SIN3B: variants seen among roughly 807,000 people sequenced by gnomAD.
SIN3B encodes SIN3 transcription regulator family member B.
Under a neutral mutation model 120.2 loss-of-function variants are expected in SIN3B, and 19 were observed. That is an observed-to-expected ratio of 0.16 (90% CI 0.11 to 0.23). The LOEUF is 0.23. Among genes scored for constraint, SIN3B ranks in the 10% least tolerant of loss-of-function variants. SIN3B has a pLI of 1.00. For synonymous variants in SIN3B, 654 were observed against 653.2 expected, an observed-to-expected ratio of 1.00 and a Z score of -0.02; for missense variants, 1,073 against 1,573.0, an observed-to-expected ratio of 0.68 and a Z score of 5.38.
Position 16,878,855 on chromosome 19 carries a change from C to CA in SIN3B, c.*129dup, listed in dbSNP as rs1322230412. 4 of 859,462 alleles carry CA rather than the reference C, an allele frequency of 4.7e-6. No individual in the cohort carries two copies. The African/African-American group carries it at 6.8e-5, about 15-fold the overall frequency. 53.2% of individuals were successfully genotyped at this position (859,462 alleles called of 1,614,324 possible). A position where few individuals can be genotyped will look rare whatever the true frequency, so the allele number is the denominator to read the frequency against. On this transcript the variant is annotated 3_prime_UTR_variant, in exon 19 of 19. Coordinates refer to ENST00000248054, the MANE Select transcript of SIN3B (RefSeq NM_001297595.2). Reference sequence around the variant, plus strand: ...CCAGCCCCTCTGCTGCCGGACAGCGCACTCCAGGGCAGGACGCCGCCCCCG... The same window carrying CA: ...CCAGCCCCTCTGCTGCCGGACAGCGCAACTCCAGGGCAGGACGCCGCCCCCG...
chr19:16,869,125 C>T (rs1217829124), intron 12 of SIN3B, among the ~76,000 whole-genome samples: 2 of 152,172 alleles, frequency 1.3e-5, no homozygotes, highest in Non-Finnish European at 2.9e-5. Context: ...TGGAGCTGGG[C>T]TGAGCGACAG....
chr19:16,863,808 G>A lies in SIN3B; in HGVS notation c.1383+12G>A. 6.3e-7 allele frequency: 1 copy of A among 1,597,286 alleles called. No homozygotes were observed. The highest frequency in any genetic ancestry group is 8.6e-7 in the Non-Finnish European group (1 of 1,165,590). On this transcript the variant is annotated intron_variant, in intron 10 of 18. Transcript: ENST00000248054. ...ACGAGCGCTTCGAGGTGTGTGTGCT[G>A]CTGTGGCCGGGTCCCCCGGCATGTG...
intron 3 of SIN3B, among the ~76,000 whole-genome samples, chr19:16,833,963 G>T (rs959542257): frequency 1.3e-5 from 2 of 151,994 alleles, no homozygotes; most frequent in Non-Finnish European, 2.9e-5. Flanking sequence ...CTGACCCCGT[G>T]ATTCGCCCAC....
intron 10 of SIN3B, among the ~76,000 whole-genome samples, chr19:16,864,820 A>G (rs545216434): frequency 1.5e-4 from 22 of 149,782 alleles, no homozygotes; most frequent in African/African-American, 5.2e-4. Flanking sequence ...GCAAGAGCCC[A>G]TCTATACAAA....
At chr19:16,872,623 T>C (rs567921824) in intron 14 of SIN3B, 1 of 152,250 alleles carries the variant, frequency 6.6e-6, no homozygotes, top group South Asian at 2.1e-4. Context: ...TTTGTATTTT[T>C]AGTAGAGAGG....
chr19:16,842,143 A>G (rs1349666497), intron 4 of SIN3B, among the ~76,000 whole-genome samples, 175 bp downstream of exon 4: 4 of 152,112 alleles, frequency 2.6e-5, no homozygotes, highest in Non-Finnish European at 5.9e-5. Flanking sequence ...GCTGGAGTGC[A>G]GTGGCACGGA....
Position 16,861,986 on chromosome 19 carries a change from G to T in SIN3B, c.1059-366G>T, listed in dbSNP as rs113148607. On this transcript the variant is annotated intron_variant, in intron 8 of 18. Coordinates refer to ENST00000248054, the MANE Select transcript of SIN3B (RefSeq NM_001297595.2). ...AACACAGGCAGTGTGCAGACTGGCT[G>T]TGGCTTGCCACTCCCTGGCCTGAAG... Among the ~76,000 whole-genome samples, 1,399 of 152,310 alleles carry T rather than the reference G, an allele frequency of 9.2e-3. 18 individuals are homozygous for T. The highest frequency in any genetic ancestry group is 0.032 in the African/African-American group (1,333 of 41,556).
At chr19:16,877,509 AG>A in intron 16 of SIN3B, 35 bp from the exon 17 acceptor site, 1 of 1,473,856 alleles carries the variant, frequency 6.8e-7, no homozygotes, top group South Asian at 1.2e-5. Context: ...GCCCTGCTGT[AG>A]GGGCATCACG....
rs80348819 is a variant in SIN3B, at chr19:16,865,517, C to T, written c.1491C>T (p.Asp497=). 1.5e-3 allele frequency: 2,387 copies of T among 1,613,646 alleles called. 40 individuals are homozygous for T. In the African/African-American group the frequency reaches 0.029, roughly 19 times the overall value. Residue 497 remains aspartate (D), a synonymous_variant, in exon 11 of 19, where the codon GAC becomes GAT. Transcript: ENST00000248054. ...AAGACCAGGAGAAGTTCCGGCTGGACGACTCCCTGGGAGGCACGTCGGAGG... is the reference window on the plus strand; with the variant it reads ...AAGACCAGGAGAAGTTCCGGCTGGATGACTCCCTGGGAGGCACGTCGGAGG... ...APEDQEKFRL[D]DSLGGTSEVI... is the part of the protein sequence containing the mutation.
At chr19:16,860,885 G>A (rs573047316) in intron 8 of SIN3B, among the ~76,000 whole-genome samples, 129 of 152,078 alleles carry the variant, frequency 8.5e-4, no homozygotes, top group African/African-American at 2.8e-3. Flanking sequence ...GAGCCACTGC[G>A]CCTGGCCATA....
Position 16,854,136 on chromosome 19 carries a change from T to C in SIN3B, c.940-7T>C. On this transcript the variant is annotated splice_polypyrimidine_tract_variant and splice_region_variant and intron_variant, in intron 7 of 18. Coordinates refer to ENST00000248054, the MANE Select transcript of SIN3B (RefSeq NM_001297595.2). The stretch of plus-strand genomic sequence containing the variant: ...TTCACAGTGGTCCCTGACTGCTCTC[T>C]CTGCAGGTCCGCCGGGTGCTGAAGA... 1 of 1,608,736 alleles carries C rather than the reference T, an allele frequency of 6.2e-7. No homozygotes were observed. Among genetic ancestry groups the C allele is most frequent in the South Asian group, 1.1e-5 (1 of 90,760 alleles).
Position 16,878,927 on chromosome 19 carries a change from C to T in SIN3B, c.*200C>T, listed in dbSNP as rs765835629. On this transcript the variant is annotated 3_prime_UTR_variant, in exon 19 of 19. Coordinates refer to ENST00000248054, the MANE Select transcript of SIN3B (RefSeq NM_001297595.2). ...CCTGCTGTGTGCCAAACCTGAGCTA[C>T]CTGCACCCGAGCCCTGGGGCTCAGC... The T allele has an allele frequency of 1.0e-4, 59 of 587,008 alleles. No individual in the cohort carries two copies. Among genetic ancestry groups the T allele is most frequent in the Non-Finnish European group, 1.6e-4 (53 of 335,070 alleles). 36.4% of individuals were successfully genotyped at this position (587,008 alleles called of 1,614,324 possible). A position where few individuals can be genotyped will look rare whatever the true frequency, so the allele number is the denominator to read the frequency against.
At chr19:16,853,254 G>C (rs1971568134) in intron 7 of SIN3B, 96 bp downstream of exon 7, 1 of 1,143,504 alleles carries the variant, frequency 8.7e-7, no homozygotes, top group Non-Finnish European at 1.3e-6. Flanking sequence ...GCGGGGAGCA[G>C]GTAGGGTGGG....
At chr19:16,829,718 C>T in intron 1 of SIN3B, 73 bp from the exon 2 acceptor site, 17 of 1,421,754 alleles carry the variant, frequency 1.2e-5, no homozygotes, top group Non-Finnish European at 1.5e-5. Flanking sequence ...CATCCCCTTC[C>T]CCTCAGGGAC....
chr19:16,856,014 G>A (rs555628912), intron 8 of SIN3B, among the ~76,000 whole-genome samples: 58 of 152,288 alleles, frequency 3.8e-4, no homozygotes, highest in African/African-American at 1.2e-3. Flanking sequence ...CTGTGATCAC[G>A]CCACTGTCCT....
intron 8 of SIN3B, among the ~76,000 whole-genome samples, chr19:16,858,428 G>A (rs1971644346): frequency 6.6e-6 from 1 of 152,084 alleles, no homozygotes; most frequent in Non-Finnish European, 1.5e-5. Context: ...CCCTAGTCAC[G>A]GCCTCAGAGT....
At chr19:16,842,405 C>CTTTT (rs764926291) in intron 4 of SIN3B, among the ~76,000 whole-genome samples, 1 of 126,890 alleles carries the variant, frequency 7.9e-6, no homozygotes, top group Non-Finnish European at 1.7e-5. Flanking sequence ...GCCCAGCCAC[C>CTTTT]TTTTTTTTTT....
At chr19:16,854,078 A>G in intron 7 of SIN3B, 65 bp from the exon 8 acceptor site, 3 of 1,251,858 alleles carry the variant, frequency 2.4e-6, no homozygotes, top group South Asian at 1.3e-5. Context: ...CTGACCTACA[A>G]GTGAGCCAGG....
At position 16,876,880 on chromosome 19, in the gene SIN3B, G is replaced by A. The variant is rs577054990; in HGVS notation, c.2859+302G>A. On this transcript the variant is annotated intron_variant, in intron 16 of 18. Transcript: ENST00000248054. This position sits in a 1 kb window ranked among gnomAD's most constrained non-coding sequence, Gnocchi z 7.1. ...CCCCGACTCCCACTCAGGGCATCCC[G>A]TGGCTGTGACCTCTGCACCTCTTGT... The A allele has an allele frequency of 3.7e-4, 132 of 356,608 alleles. No homozygotes were observed. Among genetic ancestry groups the A allele is most frequent in the African/African-American group, 2.4e-3 (116 of 47,478 alleles). 22.1% of individuals were successfully genotyped at this position (356,608 alleles called of 1,614,324 possible).
Sources: allele counts gnomAD v4.1 joint callset (sites outside exome capture counted in the v4.1 genomes callset), GRCh38; gene constraint gnomAD v4.1.1; non-coding constraint Gnocchi (gnomAD v3.1); transcripts MANE v1.5; gene names NCBI Gene and HGNC (gene_info 2026-07-23, HGNC 2026-07-21).